The following B3GAT2 variants were observed in gnomAD, a reference collection of about 807,000 sequenced individuals.
B3GAT2 encodes the protein galactosylgalactosylxylosylprotein 3-beta-glucuronosyltransferase 2.
In B3GAT2, 26 loss-of-function variants were observed where a neutral mutation model predicts 27.8. The ratio of observed to expected loss-of-function variants is 0.93; its 90% confidence interval spans 0.68 to 1.30. The LOEUF (loss-of-function observed/expected upper bound fraction) is 1.30. Ranked by LOEUF, B3GAT2 falls within the 50% of genes most tolerant of loss-of-function variation. The pLI, the probability that B3GAT2 is intolerant of heterozygous loss-of-function variation, is 0.00. For missense variants in B3GAT2, 458 were observed against 459.0 expected, an observed-to-expected ratio of 1.00 and a Z score of 0.02; for synonymous variants, 218 against 195.1, an observed-to-expected ratio of 1.12 and a Z score of -0.98.
rs115748320 is a variant in B3GAT2, at chr6:70,943,580, T to C, written c.591+12259A>G. ...CCTAGGAGACAGAGTTGTTGATGTATACATAGCAAATGAGGAAAAACTTAA... is the reference window on the plus strand; with the variant it reads ...CCTAGGAGACAGAGTTGTTGATGTACACATAGCAAATGAGGAAAAACTTAA... On this transcript the variant is annotated intron_variant, in intron 1 of 3. Transcript: ENST00000230053. 4.6e-3 allele frequency among the ~76,000 whole-genome samples: 699 copies of C among 152,346 alleles called. 5 individuals carry two copies. Among genetic ancestry groups the C allele is most frequent in the African/African-American group, 0.016 (660 of 41,580 alleles).
chr6:70,947,324 T>C (rs556755643), intron 1 of B3GAT2, among the ~76,000 whole-genome samples: 4 of 151,986 alleles, frequency 2.6e-5, no homozygotes, highest in South Asian at 4.2e-4. Flanking sequence ...ACAAAATTGA[T>C]AGACCACTAG....
rs568309931 is a variant in B3GAT2, at chr6:70,887,286, C to T, written c.736+6842G>A. 2.6e-5 allele frequency among the ~76,000 whole-genome samples: 4 copies of T among 152,208 alleles called. No homozygotes were observed. In the South Asian group the frequency reaches 8.3e-4, roughly 32 times the overall value. ...GAAAAGGTCTGCCAAATAAATTAAC[C>T]CAGGCAAAATTCCTTGTTGACAAAC... On this transcript the variant is annotated intron_variant, in intron 2 of 3. Coordinates refer to ENST00000230053, the MANE Select transcript of B3GAT2 (RefSeq NM_080742.3).
In B3GAT2 at chr6:70,951,768, A is replaced by G. The variant is rs993442726; in HGVS notation, c.591+4071T>C. On this transcript the variant is annotated intron_variant, in intron 1 of 3. Coordinates refer to ENST00000230053, the MANE Select transcript of B3GAT2 (RefSeq NM_080742.3). ...GCTGTAGTTTCATATATACATTTCT[A>G]TAAAATTCTCACATTTTATCAGACC... Among the ~76,000 whole-genome samples the G allele has an allele frequency of 3.3e-5, 5 of 152,176 alleles. No homozygotes were observed. In the South Asian group the frequency reaches 6.2e-4, roughly 19 times the overall value.
chr6:70,932,138 C>CA (rs1773072363), intron 1 of B3GAT2, among the ~76,000 whole-genome samples: 1 of 151,992 alleles, frequency 6.6e-6, no homozygotes, highest in Non-Finnish European at 1.5e-5. Context: ...ACCCAAAAAA[C>CA]AAAAAATAAC....
chr6:70,932,690 T>C (rs2150046396), intron 1 of B3GAT2, among the ~76,000 whole-genome samples: 1 of 152,370 alleles, frequency 6.6e-6, no homozygotes, highest in African/African-American at 2.4e-5. Context: ...ATGGCAAATG[T>C]ATATTTTACT....
chr6:70,948,427 T>C (rs2150052334), intron 1 of B3GAT2, among the ~76,000 whole-genome samples: 1 of 149,944 alleles, frequency 6.7e-6, no homozygotes, highest in Admixed American at 6.7e-5. Flanking sequence ...AGCATTCTTA[T>C]ACACCAATAA....
intron 1 of B3GAT2, among the ~76,000 whole-genome samples, chr6:70,942,720 G>T (rs1378849903): frequency 6.6e-6 from 1 of 152,180 alleles, no homozygotes; most frequent in Non-Finnish European, 1.5e-5. Context: ...GTACACAGTA[G>T]GTGCTCAATT....
intron 1 of B3GAT2, among the ~76,000 whole-genome samples, chr6:70,917,991 G>A (rs1045440261): frequency 2.6e-5 from 4 of 152,148 alleles, no homozygotes; most frequent in African/African-American, 9.7e-5. Context: ...AATATTGACA[G>A]TGGGGTGTTA....
rs186104806 is a variant in B3GAT2, at chr6:70,892,784, G to T, written c.736+1344C>A. On this transcript the variant is annotated intron_variant, in intron 2 of 3. Transcript: ENST00000230053. ...TCAGCAAGAAGCCCGATTTTCAAAAGATACACTATGCCCCATGTTTTCAGG... is the reference window on the plus strand; with the variant it reads ...TCAGCAAGAAGCCCGATTTTCAAAATATACACTATGCCCCATGTTTTCAGG... Among the ~76,000 whole-genome samples, 5 of 152,342 alleles carry T rather than the reference G, an allele frequency of 3.3e-5. No homozygotes were observed. In the East Asian group the frequency reaches 9.6e-4, roughly 29 times the overall value.
At chr6:70,935,057 T>A (rs1773121010) in intron 1 of B3GAT2, among the ~76,000 whole-genome samples, 1 of 152,038 alleles carries the variant, frequency 6.6e-6, no homozygotes, top group African/African-American at 2.4e-5. Flanking sequence ...ATTGTAGATA[T>A]GTGTAATAGG....
At chr6:70,896,710 G>T (rs1772392757) in intron 1 of B3GAT2, among the ~76,000 whole-genome samples, 1 of 151,538 alleles carries the variant, frequency 6.6e-6, no homozygotes, top group African/African-American at 2.4e-5. Flanking sequence ...GTTATAAAGA[G>T]ATTCATCTAC....
intron 1 of B3GAT2, among the ~76,000 whole-genome samples, chr6:70,952,184 A>C (rs1252153337): frequency 6.6e-6 from 1 of 152,180 alleles, no homozygotes; most frequent in Non-Finnish European, 1.5e-5. Context: ...AAAAGATTCA[A>C]GCAAGGGGCT....
intron 1 of B3GAT2, among the ~76,000 whole-genome samples, chr6:70,933,881 A>G (rs1009695761): frequency 6.6e-5 from 10 of 152,180 alleles, no homozygotes; most frequent in Admixed American, 5.2e-4. Flanking sequence ...TACTCTGTTT[A>G]CCCACTTTAC....
intron 1 of B3GAT2, among the ~76,000 whole-genome samples, chr6:70,929,104 G>A (rs1048992124): frequency 1.3e-4 from 19 of 151,734 alleles, no homozygotes; most frequent in African/African-American, 2.2e-4. Context: ...GCAAACTATC[G>A]CAAGGACAAA....
intron 2 of B3GAT2, among the ~76,000 whole-genome samples, chr6:70,863,786 T>C (rs955794752): frequency 4.6e-5 from 7 of 152,192 alleles, no homozygotes; most frequent in Non-Finnish European, 1.5e-5. Context: ...GGGCAGGTGA[T>C]GCCAGCCACC....
intron 1 of B3GAT2, among the ~76,000 whole-genome samples, chr6:70,944,477 C>T (rs1463214688): frequency 6.6e-6 from 1 of 152,156 alleles, no homozygotes; most frequent in African/African-American, 2.4e-5. Context: ...GGTCTGAGAT[C>T]AAACTGCAAG....
intron 1 of B3GAT2, among the ~76,000 whole-genome samples, chr6:70,949,414 CA>C: frequency 6.6e-6 from 1 of 152,174 alleles, no homozygotes; most frequent in Non-Finnish European, 1.5e-5. Context: ...AGACACTTCT[CA>C]AAAGAAACAT....
At chr6:70,918,490 C>T (rs534415317) in intron 1 of B3GAT2, among the ~76,000 whole-genome samples, 93 of 152,240 alleles carry the variant, frequency 6.1e-4, no homozygotes, top group Non-Finnish European at 7.9e-4. Context: ...TTCATAGCAT[C>T]GATGGTCTTT....
intron 2 of B3GAT2, among the ~76,000 whole-genome samples, chr6:70,887,495 A>G (rs1011305884): frequency 4.6e-5 from 7 of 152,120 alleles, no homozygotes; most frequent in Non-Finnish European, 1.0e-4. Context: ...CTGCTCTGGG[A>G]TAGTGCCGTC....
Sources: gnomAD v4.1 joint callset for allele counts (sites outside exome capture counted in the v4.1 genomes callset) on GRCh38, gnomAD v4.1.1 for gene constraint, MANE v1.5 for transcripts, NCBI Gene and HGNC (gene_info 2026-07-23, HGNC 2026-07-21) for gene names.